Variants in TUSC3 observed in about 807,000 individuals in gnomAD.
TUSC3 encodes dolichyl-diphosphooligosaccharide--protein glycosyltransferase subunit TUSC3.
In TUSC3, 45 loss-of-function variants were observed where a neutral mutation model predicts 44.8. The observed-to-expected ratio is 1.00, with a 90% CI of 0.79 to 1.29. The LOEUF (loss-of-function observed/expected upper bound fraction) is 1.29. TUSC3 is among the 50% of genes most tolerant of loss of function. TUSC3 has a pLI of 0.00. For synonymous variants in TUSC3, 212 were observed against 152.9 expected (o/e 1.39, Z -2.85); for missense variants, 519 against 437.9 (o/e 1.19, Z -1.65).
the TUSC3 span, among the ~76,000 whole-genome samples, chr8:15,809,665 G>A: frequency 2.0e-5 from 3 of 152,080 alleles, no homozygotes; most frequent in Admixed American, 1.3e-4. Context: ...AAAGTTTTAT[G>A]AATGTAGTTT....
chr8:15,728,545 T>C (rs1304831375), intron 6 of TUSC3, among the ~76,000 whole-genome samples: 1 of 151,974 alleles, frequency 6.6e-6, no homozygotes, highest in Non-Finnish European at 1.5e-5. Flanking sequence ...CAAAGGTGAT[T>C]CCAGGATTTT....
At chr8:15,824,196 G>A in the TUSC3 span, among the ~76,000 whole-genome samples, 2 of 152,120 alleles carry the variant, frequency 1.3e-5, no homozygotes, top group Non-Finnish European at 2.9e-5. Context: ...CACAGAAGTG[G>A]AAGATATCTT....
At chr8:15,429,350 C>G (rs1198689773) in intron 1 of TUSC3, among the ~76,000 whole-genome samples, 2 of 151,324 alleles carry the variant, frequency 1.3e-5, no homozygotes, top group Non-Finnish European at 2.9e-5. Flanking sequence ...GGTACCAGTA[C>G]CATGCTGTTT....
intron 1 of TUSC3, among the ~76,000 whole-genome samples, chr8:15,567,982 T>G (rs1251442723): frequency 6.6e-6 from 1 of 152,152 alleles, no homozygotes; most frequent in Admixed American, 6.5e-5. Context: ...CTCTTTGTTT[T>G]CATGTTAACA....
chr8:15,841,449 T>A, the TUSC3 span, among the ~76,000 whole-genome samples: 15,082 of 152,192 alleles, frequency 0.099, 2,544 homozygotes, highest in African/African-American at 0.34. Context: ...CTACATTTTA[T>A]TACTTTCTTA....
chr8:15,705,730 A>G (rs760180932), intron 6 of TUSC3, among the ~76,000 whole-genome samples: 1 of 152,026 alleles, frequency 6.6e-6, no homozygotes, highest in Non-Finnish European at 1.5e-5. Context: ...TCTCTCCTGC[A>G]TAGTACTGCT....
chr8:15,493,446 A>T (rs375335158), intron 2 of TUSC3, among the ~76,000 whole-genome samples: 1 of 152,058 alleles, frequency 6.6e-6, no homozygotes, highest in Admixed American at 6.5e-5. Context: ...TATTTTTTGC[A>T]TAGACAAGAT....
At chr8:15,443,284 T>G (rs1224269559) in intron 1 of TUSC3, among the ~76,000 whole-genome samples, 1 of 151,374 alleles carries the variant, frequency 6.6e-6, no homozygotes, top group East Asian at 2.0e-4. Context: ...TCCTTCCACC[T>G]CAGCCTATGA....
At chr8:15,497,186 G>C (rs995294968) in intron 2 of TUSC3, among the ~76,000 whole-genome samples, 1 of 152,194 alleles carries the variant, frequency 6.6e-6, no homozygotes, top group Non-Finnish European at 1.5e-5. Context: ...TCTCTGAGAA[G>C]TTTAAGTTTG....
At chr8:15,767,112 C>G (rs1419673792), downstream of TUSC3, among the ~76,000 whole-genome samples, 1 of 152,034 alleles carries the variant, frequency 6.6e-6, no homozygotes, top group African/African-American at 2.4e-5. Flanking sequence ...AGCATTGTAG[C>G]TAGTCACACT....
chr8:15,780,505 C>T, the TUSC3 span, among the ~76,000 whole-genome samples: 1 of 152,192 alleles, frequency 6.6e-6, no homozygotes, highest in South Asian at 2.1e-4. Context: ...GGCTTCATTC[C>T]TGGGAATAGG....
chr8:15,646,173 G>C (rs1806621181), intron 2 of TUSC3, among the ~76,000 whole-genome samples: 1 of 152,142 alleles, frequency 6.6e-6, no homozygotes, highest in Non-Finnish European at 1.5e-5. Flanking sequence ...ACTTCCTAAA[G>C]AGAGGCAGTT....
intron 8 of TUSC3, among the ~76,000 whole-genome samples, chr8:15,745,915 G>A (rs1811394542): frequency 6.6e-6 from 1 of 151,984 alleles, no homozygotes; most frequent in South Asian, 2.1e-4. Context: ...AAAGTTTTAG[G>A]TGTTACATTT....
At position 15,735,658 on chromosome 8, in the gene TUSC3, G is replaced by T. The variant is rs185382063; in HGVS notation, c.862+4929G>T. ...TTTATTTGTTGTAAATATCTGAAAAGATCATCATAATAAAGATACAGTGGA... is the reference window on the plus strand; with the variant it reads ...TTTATTTGTTGTAAATATCTGAAAATATCATCATAATAAAGATACAGTGGA... On this transcript the variant is annotated intron_variant, in intron 7 of 10. Transcript: ENST00000503731. Among the ~76,000 whole-genome samples the T allele has an allele frequency of 2.0e-5, 3 of 152,190 alleles. No homozygotes were observed. In the East Asian group the frequency reaches 5.8e-4, roughly 29 times the overall value.
intron 3 of TUSC3, among the ~76,000 whole-genome samples, chr8:15,658,071 A>G (rs920608362): frequency 2.6e-5 from 4 of 152,176 alleles, no homozygotes; most frequent in African/African-American, 4.8e-5. Context: ...CCACGTCTTA[A>G]TATTGCTACA....
intron 6 of TUSC3, among the ~76,000 whole-genome samples, chr8:15,682,359 A>G (rs903455859): frequency 1.3e-5 from 2 of 152,154 alleles, no homozygotes; most frequent in African/African-American, 4.8e-5. Flanking sequence ...TTTTGGATTC[A>G]TATATATTTA....
At chr8:15,488,019 C>G (rs1216002980) in intron 2 of TUSC3, among the ~76,000 whole-genome samples, 2 of 151,166 alleles carry the variant, frequency 1.3e-5, no homozygotes, top group Admixed American at 6.6e-5. Context: ...GTGTGGTCTC[C>G]AAAAAGTCAA....
Position 15,743,620 on chromosome 8 carries a change from T to C in TUSC3, c.937+8T>C. 6.2e-7 allele frequency: 1 copy of C among 1,613,878 alleles called. No individual in the cohort carries two copies. ...ATGTTGGAAAAAGACGGAGTAAGTC[T>C]CTGTGTTGCCATTTTTGTAATTTCG... On this transcript the variant is annotated splice_region_variant and intron_variant, in intron 8 of 10. Coordinates refer to ENST00000503731, the MANE Select transcript of TUSC3 (RefSeq NM_006765.4).
chr8:15,448,213 G>C (rs1441503745), intron 1 of TUSC3, among the ~76,000 whole-genome samples: 1 of 150,650 alleles, frequency 6.6e-6, no homozygotes, highest in Non-Finnish European at 1.5e-5. Context: ...CTGCCTCCTG[G>C]GTTCAAGCAA....
Sources: allele counts gnomAD v4.1 joint callset (sites outside exome capture counted in the v4.1 genomes callset), GRCh38; gene constraint gnomAD v4.1.1; transcripts MANE v1.5; gene names NCBI Gene and HGNC (gene_info 2026-07-23, HGNC 2026-07-21).